Variants in CLPX observed in about 807,000 individuals in gnomAD.
CLPX encodes caseinolytic mitochondrial matrix peptidase chaperone subunit X, also known as ATP-dependent clpX-like chaperone, mitochondrial.
A neutral mutation model predicts 76.4 loss-of-function variants in CLPX; 34 were observed. The ratio of observed to expected loss-of-function variants is 0.45; its 90% CI spans 0.34 to 0.59. CLPX has a LOEUF of 0.59. CLPX is among the 20% of genes least tolerant of loss of function. The pLI, the probability that CLPX is intolerant of heterozygous loss-of-function variation, is 0.01. For missense variants in CLPX, 613 were observed against 757.0 expected (o/e 0.81, Z 2.23); for synonymous variants, 248 against 270.9 (o/e 0.92, Z 0.83).
chr15:65,158,709 A>G lies in CLPX; in HGVS notation c.758T>C (p.Leu253Ser), dbSNP rs1287890397. 1 of 1,612,456 alleles carries G rather than the reference A, an allele frequency of 6.2e-7. No homozygotes were observed. Among genetic ancestry groups the G allele is most frequent in the South Asian group, 1.1e-5 (1 of 90,584 alleles). Residue 253 changes from leucine (L) to serine (S), a missense_variant, in exon 7 of 14, where the codon TTA becomes TCA. By Grantham distance (145) the Leu-to-Ser change is moderately radical. Around this residue, in one of 2 missense-constraint regions of CLPX, gnomAD observed 450 missense variants for 638.6 expected, o/e 0.70. Transcript: ENST00000300107. ...IAGISPHGNALGASMQQQVNQ... is the reference protein window; with the variant it reads ...IAGISPHGNASGASMQQQVNQ... The stretch of plus-strand genomic sequence containing the variant: ...TACCTGTTGCTGCATTGATGCTCCT[A>G]AAGCATTACCATGTGGGCTAATTCC...
rs369530341 is a variant in CLPX, at chr15:65,152,542, G to A, written c.1705-6C>T. The A allele has an allele frequency of 1.4e-6, 2 of 1,448,560 alleles. No homozygotes were observed. The highest frequency in any genetic ancestry group is 2.5e-5 in the East Asian group (1 of 40,472). 89.7% of individuals were successfully genotyped at this position (1,448,560 alleles called of 1,614,324 possible). A position where few individuals can be genotyped will look rare whatever the true frequency, so the allele number is the denominator to read the frequency against. On this transcript the variant is annotated splice_polypyrimidine_tract_variant and splice_region_variant and intron_variant, in intron 12 of 13. Coordinates refer to ENST00000300107, the MANE Select transcript of CLPX (RefSeq NM_006660.5). Reference sequence around the variant, plus strand: ...GGTTCTAGTAACAGCTTTTCCTAAAGAAATAAAAAGTAATGAATCACATTG... The same window carrying A: ...GGTTCTAGTAACAGCTTTTCCTAAAAAAATAAAAAGTAATGAATCACATTG...
In CLPX at chr15:65,180,185, A is replaced by G; in HGVS notation, c.99T>C (p.Ile33=). 6.2e-7 allele frequency: 1 copy of G among 1,600,740 alleles called. No individual in the cohort carries two copies. Among genetic ancestry groups the G allele is most frequent in the Non-Finnish European group, 8.5e-7 (1 of 1,173,634 alleles). The change falls in exon 2 of 14, where the codon ATT becomes ATC. Residue 33 remains isoleucine (I), a synonymous_variant. Coordinates refer to ENST00000300107, the MANE Select transcript of CLPX (RefSeq NM_006660.5). ...CAAGCCTTCCTAAAACTGACATATG[A>G]ATGCGACCACCAGAAATACCTGAAA... ...SAQRGISGGR[I]HMSVLGRLGT...
At chr15:65,154,718 T>C in intron 11 of CLPX, 64 bp downstream of exon 11, 2 of 1,310,838 alleles carry the variant, frequency 1.5e-6, no homozygotes, top group Non-Finnish European at 2.1e-6. Context: ...GTTAGGTTAA[T>C]TTATGTAGAA....
intron 6 of CLPX, 67 bp downstream of exon 6, chr15:65,162,537 G>T: frequency 9.3e-7 from 1 of 1,080,908 alleles, no homozygotes; most frequent in Non-Finnish European, 1.4e-6. Flanking sequence ...TGTTACTGCT[G>T]AAACACTTCA....
intron 3 of CLPX, among the ~76,000 whole-genome samples, chr15:65,167,583 C>A (rs1177527303): frequency 6.6e-6 from 1 of 151,810 alleles, no homozygotes; most frequent in Non-Finnish European, 1.5e-5. Context: ...TCTCTTAAAC[C>A]CATGAGCATT....
chr15:65,148,764 ACT>A lies in CLPX; in HGVS notation c.*2057_*2058del, dbSNP rs1420407572. The A allele has an allele frequency of 1.3e-5, 2 of 151,824 alleles. No individual in the cohort carries two copies. The highest frequency in any genetic ancestry group is 4.8e-5 in the African/African-American group (2 of 41,378). The allele number at this position is 151,824 out of a possible 1,614,324, so 9.4% of individuals were successfully genotyped here. Reference sequence around the variant, plus strand: ...AAAAAACCCACAAATATTTACATGTACTCTGATTTAAACAATTTCAAATGAGA... The same window carrying A: ...AAAAAACCCACAAATATTTACATGTACTGATTTAAACAATTTCAAATGAGA... On this transcript the variant is annotated 3_prime_UTR_variant, in exon 14 of 14. Coordinates refer to ENST00000300107, the MANE Select transcript of CLPX (RefSeq NM_006660.5).
intron 3 of CLPX, among the ~76,000 whole-genome samples, chr15:65,169,575 C>T (rs1021046698): frequency 2.6e-5 from 4 of 151,756 alleles, no homozygotes; most frequent in South Asian, 2.1e-4. Context: ...AAAAACTAGC[C>T]GGGCATGGTA....
At chr15:65,161,781 G>GT (rs1478064518) in intron 6 of CLPX, among the ~76,000 whole-genome samples, 1 of 151,890 alleles carries the variant, frequency 6.6e-6, no homozygotes, top group African/African-American at 2.4e-5. Flanking sequence ...TGCACTTACT[G>GT]TATTTCTTAA....
At position 65,152,415 on chromosome 15, in the gene CLPX, G is replaced by C; in HGVS notation, c.1811+15C>G. ...TTAAATTTTGTATCTGTTCTGGCTT[G>C]AAAATACACTTTACCGGATGTATCC... On this transcript the variant is annotated intron_variant, in intron 13 of 13. Coordinates refer to ENST00000300107, the MANE Select transcript of CLPX (RefSeq NM_006660.5). The C allele has an allele frequency of 2.2e-6, 3 of 1,358,360 alleles. No individual in the cohort carries two copies. The highest frequency in any genetic ancestry group is 3.0e-6 in the Non-Finnish European group (3 of 1,002,148). The allele number at this position is 1,358,360 out of a possible 1,614,324, so 84.1% of individuals were successfully genotyped here.
At chr15:65,173,612 A>G (rs2088044514) in intron 3 of CLPX, among the ~76,000 whole-genome samples, 1 of 152,214 alleles carries the variant, frequency 6.6e-6, no homozygotes, top group Non-Finnish European at 1.5e-5. Flanking sequence ...TCACGGGAGC[A>G]TTATTCAGAA....
At chr15:65,169,257 G>A (rs1465849927) in intron 3 of CLPX, among the ~76,000 whole-genome samples, 1 of 151,826 alleles carries the variant, frequency 6.6e-6, no homozygotes, top group Non-Finnish European at 1.5e-5. Flanking sequence ...CCCGGCCGAT[G>A]CCTGCCTACT....
rs141108125 is a variant in CLPX at position 65,155,707 on chromosome 15, C to T, written c.1296G>A (p.Arg432=). Residue 432 remains arginine (R), a synonymous_variant, in exon 10 of 14, where the codon AGG becomes AGA. Coordinates refer to ENST00000300107, the MANE Select transcript of CLPX (RefSeq NM_006660.5). ...AFNGLDRIIS[R]RKNEKYLGFG... ...AAAAACTTACCTTTTCATTTTTCCT[C>T]CTGCTGATGATTCTGTCTAAACCAT... 1 of 1,611,036 alleles carries T rather than the reference C, an allele frequency of 6.2e-7. No individual in the cohort carries two copies. The highest frequency in any genetic ancestry group is 1.3e-5 in the African/African-American group (1 of 74,830).
chr15:65,157,535 T>C (rs1566979783), intron 8 of CLPX, among the ~76,000 whole-genome samples: 1 of 152,216 alleles, frequency 6.6e-6, no homozygotes. Flanking sequence ...TAATTTGGCT[T>C]GTTTTGAATC....
chr15:65,176,395 G>A (rs2088091785), intron 3 of CLPX, among the ~76,000 whole-genome samples: 1 of 152,140 alleles, frequency 6.6e-6, no homozygotes, highest in Admixed American at 6.6e-5. Flanking sequence ...AGGAATTTCT[G>A]AATAGCAAAT....
rs781494673 is a variant in CLPX at position 65,150,573 on chromosome 15, T to TA, written c.*249dup. On this transcript the variant is annotated 3_prime_UTR_variant, in exon 14 of 14. Coordinates refer to ENST00000300107, the MANE Select transcript of CLPX (RefSeq NM_006660.5). Reference sequence around the variant, plus strand: ...GAATTTTGTTAAAGCATATTTTTTTTAAAAAACTGAACCAAAATAATGTAC... The same window carrying TA: ...GAATTTTGTTAAAGCATATTTTTTTTAAAAAAACTGAACCAAAATAATGTAC... The TA allele has an allele frequency of 2.2e-4, 65 of 293,388 alleles. 1 individual carries two copies. In the East Asian group the frequency reaches 2.3e-3, roughly 10 times the overall value. The allele number at this position is 293,388 out of a possible 1,614,324, so 18.2% of individuals were successfully genotyped here.
rs773595532 is a variant in CLPX at position 65,185,123 on chromosome 15, C to A, written c.31G>T (p.Ala11Ser). ...GAGGTGATGAGCCGGACGGCCGCCG[C>A]GCCGCAAGTACAAGCACCGCAGCTG... MPSCGACTCG[A>S]AAVRLITSSL... Residue 11 changes from alanine (A) to serine (S), a missense_variant, in exon 1 of 14, where the codon GCG becomes TCG. By Grantham distance (99) the Ala-to-Ser change is moderately conservative (BLOSUM62 1). Around this residue, in one of 2 missense-constraint regions of CLPX, gnomAD observed 163 missense variants for 118.4 expected, o/e 1.38. Coordinates refer to ENST00000300107, the MANE Select transcript of CLPX (RefSeq NM_006660.5). The A allele has an allele frequency of 6.3e-7, 1 of 1,579,736 alleles. No homozygotes were observed. The highest frequency in any genetic ancestry group is 8.6e-7 in the Non-Finnish European group (1 of 1,163,436).
intron 3 of CLPX, among the ~76,000 whole-genome samples, chr15:65,178,511 T>C (rs2088118996): frequency 6.6e-6 from 1 of 152,138 alleles, no homozygotes; most frequent in African/African-American, 2.4e-5. Context: ...CAAAGTCACA[T>C]ACATTTATCT....
At chr15:65,164,832 C>T (rs2087890147) in intron 4 of CLPX, among the ~76,000 whole-genome samples, 1 of 151,808 alleles carries the variant, frequency 6.6e-6, no homozygotes, top group Non-Finnish European at 1.5e-5. Flanking sequence ...CAAGGCTGGT[C>T]TTGAACTCCT....
chr15:65,154,800 G>A lies in CLPX; in HGVS notation c.1593C>T (p.Ala531=). 1 of 1,612,706 alleles carries A rather than the reference G, an allele frequency of 6.2e-7. No homozygotes were observed. Among genetic ancestry groups the A allele is most frequent in the Non-Finnish European group, 8.5e-7 (1 of 1,178,782 alleles). ...PRNAVIPQYQ[A]LFSMDKCELN... Reference sequence around the variant, plus strand: ...ATCTAACCTTATCCATGCTGAATAAGGCCTGGTACTGAGGAATAACAGCAT... The same window carrying A: ...ATCTAACCTTATCCATGCTGAATAAAGCCTGGTACTGAGGAATAACAGCAT... The change falls in exon 11 of 14, where the codon GCC becomes GCT. Residue 531 remains alanine (A), a synonymous_variant. Coordinates refer to ENST00000300107, the MANE Select transcript of CLPX (RefSeq NM_006660.5).
Sources: gnomAD v4.1 joint callset for allele counts (sites outside exome capture counted in the v4.1 genomes callset) on GRCh38, gnomAD v4.1.1 for gene constraint, gnomAD v4.1.1 regional missense constraint, MANE v1.5 for transcripts, NCBI Gene and HGNC (gene_info 2026-07-23, HGNC 2026-07-21) for gene names.